Variants in FIGN observed in about 807,000 individuals in gnomAD.
FIGN encodes fidgetin, microtubule severing factor, also known as fidgetin.
In FIGN, 11 loss-of-function variants were observed where a neutral mutation model predicts 51.3. That is an observed-to-expected ratio of 0.21 (90% CI 0.13 to 0.35). The LOEUF (loss-of-function observed/expected upper bound fraction) is 0.35. Among genes scored for constraint, FIGN ranks in the 10% least tolerant of loss-of-function variants. The pLI is 1.00. For synonymous variants in FIGN, 407 were observed against 363.2 expected (o/e 1.12, Z -1.37); for missense variants, 857 against 943.6 (o/e 0.91, Z 1.20).
intron 2 of FIGN, among the ~76,000 whole-genome samples, chr2:163,703,542 C>T (rs1684442918): frequency 6.6e-6 from 1 of 152,100 alleles, no homozygotes; most frequent in African/African-American, 2.4e-5. Flanking sequence ...AAAGAATTTT[C>T]CCATCAAGGA....
intron 2 of FIGN, among the ~76,000 whole-genome samples, chr2:163,629,416 G>A (rs1683109023): frequency 6.6e-6 from 1 of 152,088 alleles, no homozygotes; most frequent in Admixed American, 6.6e-5. Context: ...TGGTGATGGA[G>A]GAAAGGGGTT....
chr2:163,711,392 C>A (rs372801091), intron 2 of FIGN, among the ~76,000 whole-genome samples: 2 of 152,076 alleles, frequency 1.3e-5, no homozygotes, highest in African/African-American at 2.4e-5. Flanking sequence ...TACCTCCCTA[C>A]GTATTAAATA....
intron 2 of FIGN, chr2:163,612,722 T>TA: frequency 1.4e-5 from 3 of 210,260 alleles, no homozygotes; most frequent in African/African-American, 3.0e-5. Context: ...GTGTGTGTAT[T>TA]TATACACATC....
intron 2 of FIGN, among the ~76,000 whole-genome samples, chr2:163,678,619 T>A (rs987543577): frequency 2.0e-5 from 3 of 152,184 alleles, no homozygotes; most frequent in Non-Finnish European, 4.4e-5. Context: ...AAATTTACAA[T>A]TGAGTCACTA....
chr2:163,677,708 G>A (rs1457140688), intron 2 of FIGN, among the ~76,000 whole-genome samples: 1 of 151,638 alleles, frequency 6.6e-6, no homozygotes, highest in Non-Finnish European at 1.5e-5. Context: ...ATTTTCTTTT[G>A]TTTTGTGTTC....
intron 2 of FIGN, among the ~76,000 whole-genome samples, chr2:163,614,729 G>A (rs563276540): frequency 6.6e-6 from 1 of 152,024 alleles, no homozygotes; most frequent in Non-Finnish European, 1.5e-5. Flanking sequence ...TCAGTTTGCT[G>A]AGCTAAGCCA....
At chr2:163,642,962 C>T (rs917285166) in intron 2 of FIGN, among the ~76,000 whole-genome samples, 6 of 152,140 alleles carry the variant, frequency 3.9e-5, no homozygotes, top group Admixed American at 3.3e-4. Context: ...CAATAATCTT[C>T]AAATTAATGT....
intron 2 of FIGN, among the ~76,000 whole-genome samples, chr2:163,705,276 A>C (rs914536247): frequency 6.6e-6 from 1 of 152,016 alleles, no homozygotes; most frequent in African/African-American, 2.4e-5. Context: ...ACTGTTCAAC[A>C]CTCTTCGTTG....
chr2:163,643,905 C>A (rs145038336), intron 2 of FIGN, among the ~76,000 whole-genome samples: 1,340 of 102,760 alleles, frequency 0.013, 22 homozygotes, highest in African/African-American at 0.044. Flanking sequence ...GCACTCCAGG[C>A]TGGGCAACAA....
chr2:163,730,526 G>A (rs994587581), intron 2 of FIGN, among the ~76,000 whole-genome samples: 18 of 151,844 alleles, frequency 1.2e-4, no homozygotes, highest in Middle Eastern at 3.4e-3. Flanking sequence ...GTGTGTGTGT[G>A]TGTGTGTGTG....
chr2:163,681,501 A>G (rs1252832732), intron 2 of FIGN, among the ~76,000 whole-genome samples: 1 of 152,192 alleles, frequency 6.6e-6, no homozygotes, highest in Non-Finnish European at 1.5e-5. Context: ...CCTTGAGTCC[A>G]GATGTTCAAG....
At chr2:163,682,089 C>T (rs966476104) in intron 2 of FIGN, among the ~76,000 whole-genome samples, 3 of 152,138 alleles carry the variant, frequency 2.0e-5, no homozygotes, top group African/African-American at 7.2e-5. Flanking sequence ...TTCTGGCAGA[C>T]ACCAAATTAT....
chr2:163,661,675 A>G (rs983477625), intron 2 of FIGN, among the ~76,000 whole-genome samples: 27 of 152,246 alleles, frequency 1.8e-4, no homozygotes, highest in African/African-American at 4.8e-5. Flanking sequence ...GTTGTGGGAG[A>G]GACCCAGGGG....
rs934475281 is a variant in FIGN at position 163,607,225 on chromosome 2, T to A, written c.*2327A>T. 6.6e-6 allele frequency: 1 copy of A among 152,198 alleles called. No homozygotes were observed. The highest frequency in any genetic ancestry group is 1.9e-4 in the East Asian group (1 of 5,200). 9.4% of individuals were successfully genotyped at this position (152,198 alleles called of 1,614,324 possible). On this transcript the variant is annotated 3_prime_UTR_variant, in exon 3 of 3. Transcript: ENST00000333129. The stretch of plus-strand genomic sequence containing the variant: ...AGATCAATATGAACCTACAAGTTAA[T>A]GTGGATATTAGAATTTCCTTACAAG...
At chr2:163,677,198 AT>A (rs1245649570) in intron 2 of FIGN, among the ~76,000 whole-genome samples, 1 of 152,226 alleles carries the variant, frequency 6.6e-6, no homozygotes, top group Admixed American at 6.5e-5. Context: ...CCTGCATGGA[AT>A]AGGAAATAAA....
intron 2 of FIGN, among the ~76,000 whole-genome samples, chr2:163,642,677 C>G (rs1683322433): frequency 6.6e-6 from 1 of 152,134 alleles, no homozygotes; most frequent in Non-Finnish European, 1.5e-5. Flanking sequence ...GAAGATAATT[C>G]ATGTTTGTAT....
At chr2:163,694,131 A>G (rs6719650) in intron 2 of FIGN, among the ~76,000 whole-genome samples, 92,463 of 151,936 alleles carry the variant, frequency 0.61, 29,085 homozygotes, top group Admixed American at 0.71. Flanking sequence ...GGAGCTTTTT[A>G]TTCTGATAGT....
intron 2 of FIGN, among the ~76,000 whole-genome samples, chr2:163,685,317 G>A (rs1684130666): frequency 6.6e-6 from 1 of 152,112 alleles, no homozygotes; most frequent in Non-Finnish European, 1.5e-5. Context: ...TTCAGATAAA[G>A]AAAAACTGTG....
intron 2 of FIGN, among the ~76,000 whole-genome samples, chr2:163,692,287 G>A (rs1485604208): frequency 1.3e-5 from 2 of 152,146 alleles, no homozygotes; most frequent in Non-Finnish European, 2.9e-5. Context: ...AGATTAACTG[G>A]AAGTACCAGT....
Sources: allele counts gnomAD v4.1 joint callset (sites outside exome capture counted in the v4.1 genomes callset), GRCh38; gene constraint gnomAD v4.1.1; transcripts MANE v1.5; gene names NCBI Gene and HGNC (gene_info 2026-07-23, HGNC 2026-07-21).